FNDC3B: variants seen among roughly 807,000 people sequenced by gnomAD.
The protein encoded by FNDC3B is fibronectin type III domain containing 3B.
Under a neutral mutation model 151.5 loss-of-function variants are expected in FNDC3B, and 12 were observed. The ratio of observed to expected loss-of-function variants is 0.08; its 90% CI spans 0.05 to 0.13. The LOEUF (loss-of-function observed/expected upper bound fraction) is 0.13. Ranked by LOEUF, FNDC3B falls within the 10% of genes least tolerant of loss-of-function variation. The pLI, the probability that FNDC3B is intolerant of heterozygous loss-of-function variation, is 1.00. For missense variants in FNDC3B, 1,214 were observed against 1,505.3 expected, an observed-to-expected ratio of 0.81 and a Z score of 3.20; for synonymous variants, 528 against 549.0, an observed-to-expected ratio of 0.96 and a Z score of 0.54.
At chr3:172,265,960 A>G (rs1728905084) in intron 6 of FNDC3B, among the ~76,000 whole-genome samples, 1 of 152,224 alleles carries the variant, frequency 6.6e-6, no homozygotes, top group Non-Finnish European at 1.5e-5. Flanking sequence ...AGAAAAAGAT[A>G]GGGATGAATT....
intron 3 of FNDC3B, among the ~76,000 whole-genome samples, chr3:172,139,891 G>A (rs1470445574): frequency 1.3e-5 from 2 of 151,972 alleles, no homozygotes; most frequent in African/African-American, 4.8e-5. Flanking sequence ...GACCTCCTGA[G>A]CTCAAGTGAT....
intron 3 of FNDC3B, among the ~76,000 whole-genome samples, chr3:172,208,467 G>A (rs185433037): frequency 9.2e-5 from 14 of 152,256 alleles, no homozygotes; most frequent in South Asian, 2.1e-4. Context: ...GGAGAAGACC[G>A]AATGTGTAGT....
intron 3 of FNDC3B, among the ~76,000 whole-genome samples, chr3:172,135,769 C>T (rs1721325644): frequency 6.6e-6 from 1 of 152,088 alleles, no homozygotes; most frequent in Admixed American, 6.5e-5. Flanking sequence ...TCATTGACTG[C>T]CACTAATGTA....
chr3:172,343,554 G>A lies in FNDC3B; in HGVS notation c.2077+438G>A, dbSNP rs1259495102. 2.0e-5 allele frequency among the ~76,000 whole-genome samples: 3 copies of A among 152,314 alleles called. No individual in the cohort carries two copies. In the South Asian group the frequency reaches 6.2e-4, roughly 32 times the overall value. On this transcript the variant is annotated intron_variant, in intron 18 of 25. Transcript: ENST00000415807. ...AACCACCTCTGCTGCATTGTCCTGT[G>A]TGGGTCCTGATGTTTTTACAGCATT...
chr3:172,056,288 A>C (rs1359836850), intron 1 of FNDC3B, among the ~76,000 whole-genome samples: 2 of 152,212 alleles, frequency 1.3e-5, no homozygotes. Context: ...GTTTTAGCCA[A>C]GAAATAATCT....
intron 24 of FNDC3B, 87 bp downstream of exon 24, chr3:172,378,523 A>T (rs985830812): frequency 4.2e-6 from 5 of 1,178,716 alleles, no homozygotes; most frequent in African/African-American, 3.1e-5. Context: ...TCTGATGTTA[A>T]ATATAATGTC....
intron 11 of FNDC3B, among the ~76,000 whole-genome samples, chr3:172,319,241 AC>A (rs1453479499): frequency 2.6e-5 from 4 of 151,796 alleles, no homozygotes; most frequent in African/African-American, 9.7e-5. Context: ...GGATGGACCA[AC>A]CCCATCCATC....
At chr3:172,294,414 T>TA (rs1730489351) in intron 7 of FNDC3B, among the ~76,000 whole-genome samples, 2 of 152,178 alleles carry the variant, frequency 1.3e-5, no homozygotes, top group Admixed American at 6.5e-5. Flanking sequence ...AGACATGTCT[T>TA]ACGTTGCCCG....
chr3:172,166,130 A>G (rs1379411949), intron 3 of FNDC3B, among the ~76,000 whole-genome samples: 3 of 152,158 alleles, frequency 2.0e-5, no homozygotes, highest in African/African-American at 7.2e-5. Flanking sequence ...GTCTTTGCAA[A>G]TTTGCTTTAC....
rs185642053 is a variant in FNDC3B, at chr3:172,159,114, A to G, written c.187+25568A>G. On this transcript the variant is annotated intron_variant, in intron 3 of 25. Transcript: ENST00000415807. ...AACAACATGGTGAAACCCCCTCTCT[A>G]CTAAAAATATAAAAATTAGCTGGGC... is the stretch of plus-strand genomic sequence containing the variant. 2.3e-3 allele frequency among the ~76,000 whole-genome samples: 357 copies of G among 152,178 alleles called. 3 individuals carry two copies. Among genetic ancestry groups the G allele is most frequent in the African/African-American group, 8.1e-3 (337 of 41,524 alleles).
chr3:172,091,670 A>G (rs1051951832), intron 1 of FNDC3B, among the ~76,000 whole-genome samples: 2 of 152,236 alleles, frequency 1.3e-5, no homozygotes, highest in African/African-American at 2.4e-5. Flanking sequence ...TGCTAAACAT[A>G]TAAGAATACG....
chr3:172,204,171 T>C (rs975705279), intron 3 of FNDC3B, among the ~76,000 whole-genome samples: 31 of 152,190 alleles, frequency 2.0e-4, no homozygotes, highest in African/African-American at 7.5e-4. Context: ...ATTTTCTGAC[T>C]CAAAGCGAGG....
chr3:172,112,581 A>T lies in FNDC3B; in HGVS notation c.102A>T (p.Ala34=). The T allele has an allele frequency of 6.2e-7, 1 of 1,610,300 alleles. No homozygotes were observed. ...AMMPHLVNGD[A]AQQVILVQVN... ...TGCCCCACTTGGTGAATGGAGATGC[A>T]GCTCAGCAGGTTGGTGTAGGAAGAG... The change falls in exon 2 of 26, where the codon GCA becomes GCT. Residue 34 remains alanine (A), a synonymous_variant. Coordinates refer to ENST00000415807, the MANE Select transcript of FNDC3B (RefSeq NM_022763.4).
intron 16 of FNDC3B, among the ~76,000 whole-genome samples, chr3:172,338,736 G>A (rs1011241700): frequency 3.3e-5 from 5 of 152,088 alleles, no homozygotes; most frequent in Admixed American, 3.3e-4. Context: ...GTTTTGTTTT[G>A]TTTTGTTTTG....
At chr3:172,265,065 A>G (rs1728854406) in intron 6 of FNDC3B, among the ~76,000 whole-genome samples, 1 of 152,180 alleles carries the variant, frequency 6.6e-6, no homozygotes, top group Non-Finnish European at 1.5e-5. Flanking sequence ...TGTGTGGAAA[A>G]CCTGAAACTT....
intron 1 of FNDC3B, among the ~76,000 whole-genome samples, chr3:172,107,394 G>GT (rs1719712454): frequency 6.6e-6 from 1 of 151,962 alleles, no homozygotes. Flanking sequence ...TTTCTTATTA[G>GT]TTTTGCAGTG....
intron 3 of FNDC3B, among the ~76,000 whole-genome samples, chr3:172,211,344 C>A (rs1007807026): frequency 5.3e-5 from 8 of 152,190 alleles, no homozygotes; most frequent in Non-Finnish European, 8.8e-5. Context: ...GGTTGAGTTC[C>A]TCATTGGTCC....
intron 1 of FNDC3B, among the ~76,000 whole-genome samples, chr3:172,078,061 A>G (rs190264756): frequency 6.6e-6 from 1 of 151,854 alleles, no homozygotes; most frequent in Non-Finnish European, 1.5e-5. Context: ...GCTCACTGCA[A>G]CCTCCATCTC....
intron 4 of FNDC3B, among the ~76,000 whole-genome samples, chr3:172,239,791 G>A (rs1030418794): frequency 1.9e-3 from 169 of 88,800 alleles, no homozygotes; most frequent in Middle Eastern, 6.3e-3. Context: ...AAAAAAAAAA[G>A]AAAAAAAGCA....
Sources: allele counts gnomAD v4.1 joint callset (sites outside exome capture counted in the v4.1 genomes callset), GRCh38; gene constraint gnomAD v4.1.1; transcripts MANE v1.5; gene names NCBI Gene and HGNC (gene_info 2026-07-23, HGNC 2026-07-21).